GABRG1: variants seen among roughly 807,000 people sequenced by gnomAD.
GABRG1 encodes the protein gamma-aminobutyric acid type A receptor subunit gamma1, also known as gamma-aminobutyric acid receptor subunit gamma-1.
Under a neutral mutation model 49.8 loss-of-function variants are expected in GABRG1, and 49 were observed. That is an observed-to-expected ratio of 0.98 (90% CI 0.78 to 1.25). The LOEUF (loss-of-function observed/expected upper bound fraction) is 1.25. GABRG1 is among the 50% of genes most tolerant of loss of function. GABRG1 has a pLI of 0.00. For missense variants in GABRG1, 552 were observed against 552.3 expected (o/e 1.00, Z 0.01); for synonymous variants, 232 against 185.1 (o/e 1.25, Z -2.06).
Position 46,097,202 on chromosome 4 carries a change from T to C in GABRG1, c.252A>G (p.Gly84=), listed in dbSNP as rs759812311. ...CCCAGAATGGTAACTCAAGCTTACC[T>C]CCTATATCTGGACGAAGTTTATTGT... is the stretch of plus-strand genomic sequence containing the variant. ...GYDNKLRPDI[G]VRPTVIETDV... The change falls in exon 2 of 9, where the codon GGA becomes GGG. Residue 84 remains glycine (G), a splice_region_variant and synonymous_variant. Transcript: ENST00000295452. The C allele has an allele frequency of 1.9e-6, 3 of 1,601,432 alleles. No individual in the cohort carries two copies. Among genetic ancestry groups the C allele is most frequent in the African/African-American group, 2.7e-5 (2 of 74,148 alleles).
At chr4:46,097,998 A>C (rs1328689721) in intron 1 of GABRG1, among the ~76,000 whole-genome samples, 2 of 151,878 alleles carry the variant, frequency 1.3e-5, no homozygotes, top group South Asian at 2.1e-4. Flanking sequence ...AGGCATAACT[A>C]TCACATTTTA....
intron 1 of GABRG1, among the ~76,000 whole-genome samples, chr4:46,107,202 T>C (rs896232740): frequency 1.4e-4 from 21 of 151,390 alleles, no homozygotes; most frequent in African/African-American, 5.1e-4. Context: ...CAATTGTCTA[T>C]TGATCTTTTC....
At chr4:46,091,688 A>AGATG (rs928921936) in intron 2 of GABRG1, among the ~76,000 whole-genome samples, 1 of 152,174 alleles carries the variant, frequency 6.6e-6, no homozygotes, top group Admixed American at 6.5e-5. Flanking sequence ...AGAGCGTATG[A>AGATG]GATGTAATGA....
At chr4:46,077,999 C>A (rs898589461) in intron 3 of GABRG1, among the ~76,000 whole-genome samples, 3 of 151,356 alleles carry the variant, frequency 2.0e-5, no homozygotes, top group African/African-American at 7.3e-5. Context: ...TTAATTTTTT[C>A]TCTATAAATG....
At position 46,064,432 on chromosome 4, in the gene GABRG1, GTTAC is replaced by G. The variant is rs1365455788; in HGVS notation, c.625+5_625+8del. Reference sequence around the variant, plus strand: ...ATTCTATGAAATTATCAAGTGTTTTGTTACTTACAGCTTGAAAATTCCAGTGGAC... The same window carrying G: ...ATTCTATGAAATTATCAAGTGTTTTGTTACAGCTTGAAAATTCCAGTGGAC... On this transcript the variant is annotated splice_donor_5th_base_variant and intron_variant, in intron 5 of 8. Coordinates refer to ENST00000295452, the MANE Select transcript of GABRG1 (RefSeq NM_173536.4). The G allele has an allele frequency of 1.4e-6, 2 of 1,439,104 alleles. No homozygotes were observed. The highest frequency in any genetic ancestry group is 1.9e-6 in the Non-Finnish European group (2 of 1,063,686). The allele number at this position is 1,439,104 out of a possible 1,614,324, so 89.1% of individuals were successfully genotyped here.
intron 1 of GABRG1, among the ~76,000 whole-genome samples, chr4:46,110,806 A>C (rs545402046): frequency 6.6e-6 from 1 of 151,292 alleles, no homozygotes; most frequent in East Asian, 2.0e-4. Flanking sequence ...ACATCCTTTC[A>C]TGATAAAAAC....
intron 8 of GABRG1, among the ~76,000 whole-genome samples, chr4:46,041,686 GT>G (rs1717793049): frequency 6.6e-6 from 1 of 151,956 alleles, no homozygotes. Context: ...AATGCAAAAG[GT>G]TTGTGAAGAT....
At chr4:46,091,762 T>G (rs1209725003) in intron 2 of GABRG1, among the ~76,000 whole-genome samples, 9 of 152,030 alleles carry the variant, frequency 5.9e-5, no homozygotes, top group African/African-American at 2.2e-4. Context: ...AAGAAAAATG[T>G]CTGATGAAAT....
intron 8 of GABRG1, among the ~76,000 whole-genome samples, chr4:46,049,144 G>A (rs1017224720): frequency 1.3e-5 from 2 of 151,822 alleles, no homozygotes; most frequent in African/African-American, 2.4e-5. Context: ...AGAGAAAGGC[G>A]GAAGGAGGGG....
At chr4:46,045,809 C>T (rs1463550376) in intron 8 of GABRG1, among the ~76,000 whole-genome samples, 1 of 151,986 alleles carries the variant, frequency 6.6e-6, no homozygotes, top group Non-Finnish European at 1.5e-5. Context: ...CCGTGATCTG[C>T]CCACCTTGGC....
intron 3 of GABRG1, among the ~76,000 whole-genome samples, chr4:46,079,069 T>G (rs1719464986): frequency 1.8e-5 from 2 of 108,368 alleles, no homozygotes; most frequent in African/African-American, 7.2e-5. Flanking sequence ...TTTAAAAAGT[T>G]TTGTTTTTTT....
At chr4:46,088,805 TTGTGTGTGTTTGTGTGTG>T (rs1560365997) in intron 2 of GABRG1, among the ~76,000 whole-genome samples, 3 of 142,534 alleles carry the variant, frequency 2.1e-5, no homozygotes, top group Admixed American at 1.4e-4. Context: ...GTGTGTGTGT[TTGTGTGTGTTTGTGTGTG>T]TGTGTGTGTG....
intron 2 of GABRG1, among the ~76,000 whole-genome samples, chr4:46,087,212 A>G (rs2109424983): frequency 6.6e-6 from 1 of 151,648 alleles, no homozygotes; most frequent in East Asian, 1.9e-4. Context: ...TTTCTTCTAT[A>G]TGTGGTGAAA....
intron 3 of GABRG1, among the ~76,000 whole-genome samples, chr4:46,081,070 G>T (rs540065445): frequency 5.3e-5 from 8 of 151,118 alleles, no homozygotes; most frequent in Admixed American, 1.3e-4. Flanking sequence ...TGGTTTCCAC[G>T]TCATTGTTTT....
chr4:46,113,478 T>C (rs1720784865), intron 1 of GABRG1, among the ~76,000 whole-genome samples: 1 of 150,928 alleles, frequency 6.6e-6, no homozygotes, highest in Non-Finnish European at 1.5e-5. Flanking sequence ...TTGGGGATTA[T>C]GGGGATTACA....
intron 1 of GABRG1, among the ~76,000 whole-genome samples, chr4:46,111,268 T>C (rs1031480420): frequency 1.3e-5 from 2 of 150,698 alleles, no homozygotes; most frequent in Non-Finnish European, 3.0e-5. Flanking sequence ...AAATAATACC[T>C]AGGAAAACAT....
At chr4:46,088,813 GTT>G (rs1491570846) in intron 2 of GABRG1, among the ~76,000 whole-genome samples, 3,313 of 143,104 alleles carry the variant, frequency 0.023, 41 homozygotes, top group Middle Eastern at 0.032. Context: ...GTTTGTGTGT[GTT>G]TGTGTGTGTG....
At chr4:46,110,032 T>C (rs746318036) in intron 1 of GABRG1, among the ~76,000 whole-genome samples, 15 of 151,138 alleles carry the variant, frequency 9.9e-5, no homozygotes, top group Non-Finnish European at 1.6e-4. Context: ...CTAGTTCCAA[T>C]TGGTCAAGTG....
chr4:46,097,271 T>A lies in GABRG1; in HGVS notation c.183A>T (p.Glu61Asp), dbSNP rs1233828990. Residue 61 changes from glutamate to aspartate, a missense_variant, in exon 2 of 9, where the codon GAA (glutamate) becomes GAT (aspartate). Glu to Asp is a conservative substitution (Grantham distance 45). Coordinates refer to ENST00000295452, the MANE Select transcript of GABRG1 (RefSeq NM_173536.4). ...KTWVLAPKIH[E>D]GDITQILNSL... ...AATTCAGAATTTGTGTGATATCTCC[T>A]TCATGAATTTTTGGGGCCAAGACCC... 6.2e-7 allele frequency: 1 copy of A among 1,611,122 alleles called. No individual in the cohort carries two copies. The highest frequency in any genetic ancestry group is 1.3e-5 in the African/African-American group (1 of 74,698).
Sources: gnomAD v4.1 joint callset for allele counts (sites outside exome capture counted in the v4.1 genomes callset) on GRCh38, gnomAD v4.1.1 for gene constraint, MANE v1.5 for transcripts, NCBI Gene and HGNC (gene_info 2026-07-23, HGNC 2026-07-21) for gene names.